Variants in EPB41L2 observed in about 807,000 individuals in gnomAD.
The protein encoded by EPB41L2 is band 4.1-like protein 2.
Under a neutral mutation model 113.0 loss-of-function variants are expected in EPB41L2, and 43 were observed. The ratio of observed to expected loss-of-function variants is 0.38; its 90% CI spans 0.30 to 0.49. The LOEUF is 0.49. Among genes scored for constraint, EPB41L2 ranks in the 20% least tolerant of loss-of-function variants. The pLI is 0.95. For synonymous variants in EPB41L2, 442 were observed against 436.7 expected (o/e 1.01, Z -0.15); for missense variants, 1,147 against 1,223.4 (o/e 0.94, Z 0.93).
intron 14 of EPB41L2, among the ~76,000 whole-genome samples, chr6:130,874,859 CAA>C (rs571053764): frequency 6.6e-6 from 1 of 152,088 alleles, no homozygotes; most frequent in African/African-American, 2.4e-5. Context: ...ACTAAAATGT[CAA>C]AGTTTCCTAC....
intron 1 of EPB41L2, among the ~76,000 whole-genome samples, chr6:130,989,801 A>G (rs1781409078): frequency 6.6e-6 from 1 of 152,248 alleles, no homozygotes; most frequent in Non-Finnish European, 1.5e-5. Flanking sequence ...AACGAAGTGG[A>G]TAAATTCAAG....
intron 1 of EPB41L2, among the ~76,000 whole-genome samples, chr6:131,062,197 TA>T (rs1213530240): frequency 6.7e-6 from 1 of 150,080 alleles, no homozygotes; most frequent in Non-Finnish European, 1.5e-5. Context: ...TATTTATACA[TA>T]TATATAAAAA....
At chr6:130,929,820 C>T (rs1418853343) in intron 3 of EPB41L2, among the ~76,000 whole-genome samples, 5 of 150,348 alleles carry the variant, frequency 3.3e-5, no homozygotes, top group African/African-American at 7.4e-5. Flanking sequence ...GATAGAATCA[C>T]GACTTCCCTC....
At chr6:130,928,654 C>T (rs186728202) in intron 3 of EPB41L2, among the ~76,000 whole-genome samples, 1 of 152,314 alleles carries the variant, frequency 6.6e-6, no homozygotes, top group Non-Finnish European at 1.5e-5. Flanking sequence ...AATTTCCTTA[C>T]AAGATTAAGA....
At position 131,002,037 on chromosome 6, in the gene EPB41L2, A is replaced by G. The variant is rs149842346; in HGVS notation, c.-14-45538T>C. On this transcript the variant is annotated intron_variant, in intron 1 of 19. Coordinates refer to ENST00000337057, the MANE Select transcript of EPB41L2 (RefSeq NM_001431.4). ...TCACCAAATTCACCTGAGCCGTCAC[A>G]TATAGATTTGTCTAGATTTAGACTA... Among the ~76,000 whole-genome samples the G allele has an allele frequency of 5.3e-5, 8 of 152,358 alleles. No homozygotes were observed. In the East Asian group the frequency reaches 9.6e-4, roughly 18 times the overall value.
At chr6:131,001,613 A>T (rs1584422782) in intron 1 of EPB41L2, among the ~76,000 whole-genome samples, 1 of 151,906 alleles carries the variant, frequency 6.6e-6, no homozygotes, top group East Asian at 1.9e-4. Flanking sequence ...GCGTTTGAAA[A>T]CCTCCTGGAA....
intron 1 of EPB41L2, among the ~76,000 whole-genome samples, chr6:131,048,681 G>C (rs1795961800): frequency 6.6e-6 from 1 of 152,192 alleles, no homozygotes; most frequent in Non-Finnish European, 1.5e-5. Flanking sequence ...CATGTGACTG[G>C]TAACTGTTGA....
At chr6:130,900,569 C>A (rs1796005670) in intron 7 of EPB41L2, among the ~76,000 whole-genome samples, 1 of 152,170 alleles carries the variant, frequency 6.6e-6, no homozygotes, top group Admixed American at 6.5e-5. Flanking sequence ...CCCAATGCCT[C>A]CTTATCTCCC....
At chr6:130,922,531 T>C (rs1583479069) in intron 4 of EPB41L2, among the ~76,000 whole-genome samples, 1 of 152,332 alleles carries the variant, frequency 6.6e-6, no homozygotes, top group African/African-American at 2.4e-5. Context: ...TGAATTTGAA[T>C]CTTATCACCA....
intron 1 of EPB41L2, among the ~76,000 whole-genome samples, chr6:130,965,948 G>C (rs1207631822): frequency 6.6e-6 from 1 of 151,984 alleles, no homozygotes; most frequent in African/African-American, 2.4e-5. Context: ...GTCCAATCTT[G>C]TGGCTTCCCT....
chr6:130,928,762 A>T (rs1032650818), intron 3 of EPB41L2, among the ~76,000 whole-genome samples: 1 of 152,244 alleles, frequency 6.6e-6, no homozygotes, highest in East Asian at 1.9e-4. Flanking sequence ...TAGTTCCTCT[A>T]TCATTCAACA....
At chr6:130,919,021 A>T (rs2128535196) in intron 4 of EPB41L2, among the ~76,000 whole-genome samples, 1 of 152,302 alleles carries the variant, frequency 6.6e-6, no homozygotes, top group East Asian at 1.9e-4. Context: ...GCAGATAGAA[A>T]TTTTTAAAAA....
At chr6:130,931,338 A>AGAGGGAATGAAACATAAGC (rs1233999897) in intron 3 of EPB41L2, among the ~76,000 whole-genome samples, 1 of 152,192 alleles carries the variant, frequency 6.6e-6, no homozygotes, top group East Asian at 1.9e-4. Context: ...CATCAAGACA[A>AGAGGGAATGAAACATAAGC]GAGGGAATGA....
At position 130,844,351 on chromosome 6, in the gene EPB41L2, A is replaced by G. The variant is rs77396407; in HGVS notation, c.*6-3753T>C. On this transcript the variant is annotated intron_variant, in intron 19 of 19. Transcript: ENST00000337057. ...GCTGAGGCAGGCAGATCACGAGGTCAGGGGTTTCACATGGTGAAACCATGT... is the reference window on the plus strand; with the variant it reads ...GCTGAGGCAGGCAGATCACGAGGTCGGGGGTTTCACATGGTGAAACCATGT... 0.023 allele frequency among the ~76,000 whole-genome samples: 3,480 copies of G among 151,494 alleles called. 229 individuals are homozygous for G. The East Asian group carries it at 0.27, about 12-fold the overall frequency.
intron 3 of EPB41L2, among the ~76,000 whole-genome samples, chr6:130,946,605 A>C (rs540225676): frequency 3.3e-5 from 5 of 152,316 alleles, no homozygotes; most frequent in African/African-American, 1.2e-4. Context: ...ACAATGTGGA[A>C]ACAGGAAGCC....
At chr6:131,034,464 C>T (rs997561144) in intron 1 of EPB41L2, among the ~76,000 whole-genome samples, 2 of 152,038 alleles carry the variant, frequency 1.3e-5, no homozygotes, top group Non-Finnish European at 2.9e-5. Context: ...GAAAATTAGC[C>T]GGGGCTACAG....
chr6:130,867,972 ACTCT>A (rs147376370), intron 15 of EPB41L2: 91 of 75,512 alleles, frequency 1.2e-3, no homozygotes, highest in South Asian at 2.6e-3. Flanking sequence ...ACACACACAC[ACTCT>A]CTCTCTCTCT....
Position 130,872,524 on chromosome 6 carries a change from C to A in EPB41L2, c.2044-2398G>T, listed in dbSNP as rs1242770749. The A allele has an allele frequency of 5.4e-6, 7 of 1,289,114 alleles. 1 individual carries two copies. In the South Asian group the frequency reaches 8.6e-5, roughly 16 times the overall value. 79.9% of individuals were successfully genotyped at this position (1,289,114 alleles called of 1,614,324 possible). On this transcript the variant is annotated intron_variant, in intron 14 of 19. Transcript: ENST00000337057. ...TTTCACTAAACAAAATTGATGTTAT[C>A]TCCTCTTCTAGGCTCTAGAGAGGTC...
intron 1 of EPB41L2, chr6:131,013,600 C>T (rs1253423460): frequency 1.3e-5 from 2 of 152,140 alleles, no homozygotes; most frequent in Non-Finnish European, 2.9e-5. Context: ...GTTTTTGCCT[C>T]ACAGAAGTTG....
Sources: gnomAD v4.1 joint callset for allele counts (sites outside exome capture counted in the v4.1 genomes callset) on GRCh38, gnomAD v4.1.1 for gene constraint, MANE v1.5 for transcripts, NCBI Gene and HGNC (gene_info 2026-07-23, HGNC 2026-07-21) for gene names.